The following ZXDC variants were observed in gnomAD, a reference collection of about 807,000 sequenced individuals.
ZXDC encodes ZXD family zinc finger C, also known as zinc finger protein ZXDC.
Under a neutral mutation model 63.6 loss-of-function variants are expected in ZXDC, and 58 were observed. The ratio of observed to expected loss-of-function variants is 0.91; its 90% CI spans 0.74 to 1.13. ZXDC has a LOEUF of 1.13. ZXDC is among the 50% of genes most tolerant of loss of function. ZXDC has a pLI of 0.00. For missense variants in ZXDC, 1,133 were observed against 1,148.9 expected, an observed-to-expected ratio of 0.99 and a Z score of 0.20; for synonymous variants, 561 against 496.1, an observed-to-expected ratio of 1.13 and a Z score of -1.74.
intron 4 of ZXDC, 109 bp from the exon 5 acceptor site, chr3:126,466,434 G>A: frequency 1.7e-6 from 2 of 1,210,030 alleles, no homozygotes; most frequent in South Asian, 2.6e-5. Context: ...TTTGCACCCT[G>A]GCTACTGGCA....
At chr3:126,456,790 C>G (rs943510433) in intron 7 of ZXDC, among the ~76,000 whole-genome samples, 3 of 152,222 alleles carry the variant, frequency 2.0e-5, no homozygotes, top group Non-Finnish European at 4.4e-5. Context: ...CACATACAGT[C>G]TCAAAGCATC....
chr3:126,472,635 AC>A (rs1275274820), intron 1 of ZXDC, among the ~76,000 whole-genome samples: 8 of 152,110 alleles, frequency 5.3e-5, no homozygotes, highest in African/African-American at 1.9e-4. Context: ...AGACCCAAGA[AC>A]CCCATGAGAG....
chr3:126,459,947 T>G (rs773065569), intron 6 of ZXDC: 48 of 985,488 alleles, frequency 4.9e-5, no homozygotes, highest in Non-Finnish European at 5.8e-5. Context: ...TGTGACTTTC[T>G]TATCCAGAGA....
At chr3:126,444,330 A>C (rs573637423) in intron 7 of ZXDC, among the ~76,000 whole-genome samples, 4 of 152,230 alleles carry the variant, frequency 2.6e-5, no homozygotes, top group Non-Finnish European at 5.9e-5. Context: ...CAGGAGATCG[A>C]GACCATCCTG....
chr3:126,474,160 G>A (rs559862088), intron 1 of ZXDC, among the ~76,000 whole-genome samples: 1 of 151,900 alleles, frequency 6.6e-6, no homozygotes, highest in East Asian at 1.9e-4. Flanking sequence ...CGTCTCTGGG[G>A]TTCACACCAT....
rs773501757 is a variant in ZXDC at position 126,462,066 on chromosome 3, A to G, written c.1596T>C (p.Ala532=). ...ASGSAGGSDE[A]LNSGILTIDV... ...CAATAGTCAGGATTCCGGAGTTCAGAGCCTCATCCGACCCACCTGCAGAAC... is the reference window on the plus strand; with the variant it reads ...CAATAGTCAGGATTCCGGAGTTCAGGGCCTCATCCGACCCACCTGCAGAAC... Residue 532 remains alanine, a synonymous_variant, in exon 6 of 10, where the codon GCT becomes GCC. Transcript: ENST00000389709. 3 of 1,614,116 alleles carry G rather than the reference A, an allele frequency of 1.9e-6. No individual in the cohort carries two copies. Among genetic ancestry groups the G allele is most frequent in the Non-Finnish European group, 2.5e-6 (3 of 1,180,020 alleles).
intron 7 of ZXDC, chr3:126,457,755 C>G (rs761762877): frequency 9.9e-6 from 7 of 706,130 alleles, no homozygotes; most frequent in Non-Finnish European, 1.2e-5. Context: ...TTAGAGTAAC[C>G]CCTAAGAAAT....
intron 5 of ZXDC, 136 bp from the exon 6 acceptor site, chr3:126,462,356 A>T: frequency 7.1e-7 from 1 of 1,410,228 alleles, no homozygotes; most frequent in Non-Finnish European, 9.3e-7. Flanking sequence ...AAGCTTGGTT[A>T]TCACGACAGA....
At chr3:126,461,011 T>G in intron 6 of ZXDC, 1 of 981,860 alleles carries the variant, frequency 1.0e-6, no homozygotes, top group Non-Finnish European at 1.2e-6. Flanking sequence ...TAAAGTATAT[T>G]AACTGTCCAG....
chr3:126,461,982 T>C lies in ZXDC; in HGVS notation c.1680A>G (p.Leu560=), dbSNP rs1387566909. Reference sequence around the variant, plus strand: ...CCAGGACCAGGGGTTCCATCGGCCCTAGGGAGCTATTATTAGCAGGGAGGT... The same window carrying C: ...CCAGGACCAGGGGTTCCATCGGCCCCAGGGAGCTATTATTAGCAGGGAGGT... ...GGNLPANNSS[L]GPMEPLVLVA... is the part of the protein sequence containing the mutation. Residue 560 remains leucine (L), a synonymous_variant, in exon 6 of 10, where the codon CTA becomes CTG. Coordinates refer to ENST00000389709, the MANE Select transcript of ZXDC (RefSeq NM_025112.5). The C allele has an allele frequency of 1.2e-6, 2 of 1,614,046 alleles. No homozygotes were observed. The highest frequency in any genetic ancestry group is 1.7e-6 in the Non-Finnish European group (2 of 1,180,008).
chr3:126,454,250 A>C, intron 7 of ZXDC: 1 of 985,002 alleles, frequency 1.0e-6, no homozygotes, highest in Non-Finnish European at 1.2e-6. Context: ...AATCACTTTC[A>C]AACTGCTAGT....
At chr3:126,466,615 G>A (rs1934778156) in intron 4 of ZXDC, among the ~76,000 whole-genome samples, 1 of 152,266 alleles carries the variant, frequency 6.6e-6, no homozygotes, top group Non-Finnish European at 1.5e-5. Flanking sequence ...ACATGGAGAT[G>A]TTGGGAAGAT....
chr3:126,459,316 G>T (rs549181334), intron 7 of ZXDC: 25 of 985,318 alleles, frequency 2.5e-5, no homozygotes, highest in Non-Finnish European at 3.0e-5. Flanking sequence ...AGGCCCCAAG[G>T]CCATTCAGCA....
intron 7 of ZXDC, chr3:126,457,347 A>C (rs1934348063): frequency 2.5e-5 from 25 of 985,318 alleles, no homozygotes; most frequent in Non-Finnish European, 3.0e-5. Flanking sequence ...TATGTGTCTA[A>C]AACCACAGCA....
chr3:126,439,496 C>A (rs1933589675), intron 9 of ZXDC, 136 bp downstream of exon 9: 1 of 1,452,582 alleles, frequency 6.9e-7, no homozygotes, highest in Non-Finnish European at 9.3e-7. Context: ...AGCAAGACAT[C>A]CTGGCAACCA....
chr3:126,454,527 T>A, intron 7 of ZXDC: 1 of 985,420 alleles, frequency 1.0e-6, no homozygotes, highest in Non-Finnish European at 1.2e-6. Context: ...TCCCAAATAT[T>A]TCCATACAGG....
At chr3:126,441,250 G>T in intron 8 of ZXDC, 1 of 986,038 alleles carries the variant, frequency 1.0e-6, no homozygotes, top group Non-Finnish European at 1.2e-6. Flanking sequence ...TGCCCTGGAG[G>T]GGCTCTGTTT....
intron 7 of ZXDC, chr3:126,451,475 G>C (rs570169253): frequency 1.0e-6 from 1 of 985,296 alleles, no homozygotes; most frequent in Admixed American, 6.2e-5. Flanking sequence ...AAATGTAATT[G>C]TAAGACTGAA....
At chr3:126,441,738 T>C (rs1933685827) in intron 8 of ZXDC, 27 bp downstream of exon 8, 3 of 1,556,172 alleles carry the variant, frequency 1.9e-6, no homozygotes, top group Admixed American at 3.8e-5. Context: ...CGCCTACAGC[T>C]GGCCTGTGTG....
Sources: allele counts gnomAD v4.1 joint callset (sites outside exome capture counted in the v4.1 genomes callset), GRCh38; gene constraint gnomAD v4.1.1; transcripts MANE v1.5; gene names NCBI Gene and HGNC (gene_info 2026-07-23, HGNC 2026-07-21).